Variants in NEO1 observed in about 807,000 individuals in gnomAD.
The protein encoded by NEO1 is neogenin 1.
NEO1 carries 63 observed loss-of-function variants against 159.7 expected under a neutral mutation model. The observed-to-expected ratio is 0.39, with a 90% CI of 0.32 to 0.49. NEO1 has a LOEUF of 0.49. Ranked by LOEUF, NEO1 falls within the 20% of genes least tolerant of loss-of-function variation. The pLI, the probability that NEO1 is intolerant of heterozygous loss-of-function variation, is 0.85. For missense variants in NEO1, 1,615 were observed against 1,831.0 expected (o/e 0.88, Z 2.15); for synonymous variants, 633 against 662.0 (o/e 0.96, Z 0.67).
At chr15:73,279,350 G>GTTTTTTTTTTTTTTTTTTT (rs1567679061) in intron 22 of NEO1, among the ~76,000 whole-genome samples, 1 of 58,138 alleles carries the variant, frequency 1.7e-5, no homozygotes, top group Non-Finnish European at 5.5e-5. Context: ...TTTTGGTTTT[G>GTTTTTTTTTTTTTTTTTTT]GTTTTTTTTT....
intron 8 of NEO1, among the ~76,000 whole-genome samples, chr15:73,236,955 T>G (rs2150860403): frequency 6.6e-6 from 1 of 152,330 alleles, no homozygotes; most frequent in Non-Finnish European, 1.5e-5. Flanking sequence ...ATTACATTCC[T>G]CTTCATTTCC....
Position 73,250,995 on chromosome 15 carries a change from G to A in NEO1, c.1894+1274G>A, listed in dbSNP as rs541763900. On this transcript the variant is annotated intron_variant, in intron 11 of 28. Coordinates refer to ENST00000261908, the MANE Select transcript of NEO1 (RefSeq NM_002499.4). ...TCCTTGTTCATAGGAGATACATGGC[G>A]ATATACACTGAAGAATTTTGGAGTG... 3.9e-5 allele frequency among the ~76,000 whole-genome samples: 6 copies of A among 152,256 alleles called. No homozygotes were observed. In the South Asian group the frequency reaches 1.0e-3, roughly 26 times the overall value.
At chr15:73,058,086 C>A (rs1369282416) in intron 1 of NEO1, among the ~76,000 whole-genome samples, 2 of 152,038 alleles carry the variant, frequency 1.3e-5, no homozygotes, top group African/African-American at 4.8e-5. Context: ...CTTGCTTTTT[C>A]ACTTAGTATG....
chr15:73,289,068 C>T (rs1181833155), intron 24 of NEO1, 78 bp from the exon 25 acceptor site: 2 of 1,077,788 alleles, frequency 1.9e-6, no homozygotes, highest in Non-Finnish European at 2.8e-6. Flanking sequence ...GAATCCCCTA[C>T]TAGAAATGTT....
At chr15:73,185,344 G>A (rs1156873446) in intron 7 of NEO1, among the ~76,000 whole-genome samples, 1 of 152,174 alleles carries the variant, frequency 6.6e-6, no homozygotes, top group African/African-American at 2.4e-5. Context: ...TTTAGTGGGG[G>A]ATGTTGATAA....
intron 1 of NEO1, among the ~76,000 whole-genome samples, chr15:73,113,800 T>G (rs1234884554): frequency 6.6e-6 from 1 of 152,106 alleles, no homozygotes; most frequent in Non-Finnish European, 1.5e-5. Context: ...TATTTTAAAA[T>G]GAAATATATA....
chr15:73,067,480 C>T (rs1376352136), intron 1 of NEO1, among the ~76,000 whole-genome samples: 1 of 149,404 alleles, frequency 6.7e-6, no homozygotes, highest in African/African-American at 2.5e-5. Context: ...GACAGAGTCT[C>T]GCTGTGTTGC....
At chr15:73,277,123 T>G (rs998509352) in intron 21 of NEO1, among the ~76,000 whole-genome samples, 1 of 152,134 alleles carries the variant, frequency 6.6e-6, no homozygotes, top group African/African-American at 2.4e-5. Context: ...AGTCAAACAG[T>G]TGTATATGAT....
In NEO1 at chr15:73,052,517, G is replaced by A. The variant is rs919220652; in HGVS notation, c.-159G>A. The stretch of plus-strand genomic sequence containing the variant: ...CGCCCTGGAGTCTCCCCTCCAGCGA[G>A]AGGGGCTGCGCGGGCCGGGCCGGGC... On this transcript the variant is annotated 5_prime_UTR_variant, in exon 1 of 29. Transcript: ENST00000261908. 1 of 233,146 alleles carries A rather than the reference G, an allele frequency of 4.3e-6. No homozygotes were observed. The highest frequency in any genetic ancestry group is 7.7e-6 in the Non-Finnish European group (1 of 129,262). The allele number at this position is 233,146 out of a possible 1,614,324, so 14.4% of individuals were successfully genotyped here. A position where few individuals can be genotyped will look rare whatever the true frequency, so the allele number is the denominator to read the frequency against.
At chr15:73,170,625 C>G (rs941032776) in intron 5 of NEO1, among the ~76,000 whole-genome samples, 5 of 152,076 alleles carry the variant, frequency 3.3e-5, no homozygotes, top group African/African-American at 9.7e-5. Context: ...ATATCTTAAA[C>G]TAAAGGCTCT....
At chr15:73,282,440 A>C (rs2041763864) in intron 22 of NEO1, among the ~76,000 whole-genome samples, 1 of 152,248 alleles carries the variant, frequency 6.6e-6, no homozygotes, top group Non-Finnish European at 1.5e-5. Flanking sequence ...GAAGTTGAAC[A>C]AGAGAATTAA....
intron 7 of NEO1, among the ~76,000 whole-genome samples, chr15:73,216,054 G>A (rs2037860354): frequency 6.6e-6 from 1 of 151,720 alleles, no homozygotes; most frequent in African/African-American, 2.4e-5. Flanking sequence ...CTAGCATTAG[G>A]TATATCTCCC....
At chr15:73,173,432 A>G (rs1040466550) in intron 5 of NEO1, among the ~76,000 whole-genome samples, 1 of 152,182 alleles carries the variant, frequency 6.6e-6, no homozygotes, top group Non-Finnish European at 1.5e-5. Context: ...GAGTACGTAG[A>G]TTTTAGTATT....
rs955538548 is a variant in NEO1 at position 73,217,646 on chromosome 15, G to A, written c.1292-18701G>A. Reference sequence around the variant, plus strand: ...AGTTCTCCTTGAAGAGGTCCTTCACGTCCCTTGTAAGTTGGATTCCTAAGT... The same window carrying A: ...AGTTCTCCTTGAAGAGGTCCTTCACATCCCTTGTAAGTTGGATTCCTAAGT... On this transcript the variant is annotated intron_variant, in intron 7 of 28. Transcript: ENST00000261908. 8.6e-3 allele frequency among the ~76,000 whole-genome samples: 1,310 copies of A among 152,060 alleles called. 20 individuals are homozygous for A. Among genetic ancestry groups the A allele is most frequent in the African/African-American group, 0.03 (1,230 of 41,482 alleles).
chr15:73,262,580 C>A (rs1475814949), intron 15 of NEO1, among the ~76,000 whole-genome samples: 9 of 152,076 alleles, frequency 5.9e-5, no homozygotes, highest in African/African-American at 2.2e-4. Context: ...GCTAGAATTG[C>A]TAAATGTTAG....
At chr15:73,196,997 G>A (rs1208927776) in intron 7 of NEO1, among the ~76,000 whole-genome samples, 2 of 152,208 alleles carry the variant, frequency 1.3e-5, no homozygotes, top group East Asian at 3.9e-4. Flanking sequence ...AAACTTAATT[G>A]TGTTCTTAAA....
chr15:73,148,458 G>A (rs1218812713), intron 5 of NEO1, among the ~76,000 whole-genome samples: 1 of 152,108 alleles, frequency 6.6e-6, no homozygotes, highest in African/African-American at 2.4e-5. Context: ...TCCAAAGTGG[G>A]CAGTGGAAAG....
chr15:73,268,125 A>G (rs1444932130), intron 16 of NEO1, among the ~76,000 whole-genome samples: 1 of 152,116 alleles, frequency 6.6e-6, no homozygotes, highest in Non-Finnish European at 1.5e-5. Flanking sequence ...TCTATTTAAG[A>G]CTACTACATG....
intron 15 of NEO1, among the ~76,000 whole-genome samples, chr15:73,264,395 A>T (rs150298450): frequency 0.014 from 2,066 of 152,336 alleles, 19 homozygotes; most frequent in South Asian, 0.017. Context: ...CTATAGCAAG[A>T]CACAGTAGAG....
Sources: gnomAD v4.1 joint callset for allele counts (sites outside exome capture counted in the v4.1 genomes callset) on GRCh38, gnomAD v4.1.1 for gene constraint, MANE v1.5 for transcripts, NCBI Gene and HGNC (gene_info 2026-07-23, HGNC 2026-07-21) for gene names.